The following IQCH variants were observed in gnomAD, a reference collection of about 807,000 sequenced individuals.
IQCH encodes IQ motif containing H.
IQCH carries 98 observed loss-of-function variants against 117.0 expected under a neutral mutation model. The observed-to-expected ratio is 0.84, with a 90% CI of 0.71 to 0.99. The LOEUF (loss-of-function observed/expected upper bound fraction) is 0.99. Ranked by LOEUF, IQCH falls within the 50% of genes least tolerant of loss-of-function variation. The probability of loss-of-function intolerance (pLI) is 0.00; values close to 1 mark genes in which losing one functional copy is unlikely to be tolerated. For missense variants in IQCH, 1,102 were observed against 1,243.8 expected (o/e 0.89, Z 1.72); for synonymous variants, 412 against 448.2 (o/e 0.92, Z 1.02).
intron 6 of IQCH, among the ~76,000 whole-genome samples, chr15:67,348,355 TCACACACACA>T (rs56134528): frequency 1.4e-5 from 2 of 147,682 alleles, no homozygotes; most frequent in East Asian, 2.0e-4. Flanking sequence ...TCGCAAGCCA[TCACACACACA>T]CACACACACA....
intron 3 of IQCH, among the ~76,000 whole-genome samples, chr15:67,270,201 A>G (rs1311546705): frequency 6.6e-6 from 1 of 152,068 alleles, no homozygotes; most frequent in Admixed American, 6.6e-5. Flanking sequence ...TCCAATTTGG[A>G]TGCCTTTATT....
chr15:67,333,538 T>C (rs765079984), intron 4 of IQCH, among the ~76,000 whole-genome samples: 2 of 152,224 alleles, frequency 1.3e-5, no homozygotes, highest in Admixed American at 6.5e-5. Context: ...GATCACCTGA[T>C]GATATTTGGC....
At chr15:67,313,356 T>C (rs1185259223) in intron 4 of IQCH, among the ~76,000 whole-genome samples, 1 of 152,134 alleles carries the variant, frequency 6.6e-6, no homozygotes, top group Non-Finnish European at 1.5e-5. Context: ...ACAAATTCTT[T>C]ATCTACATAC....
intron 4 of IQCH, among the ~76,000 whole-genome samples, chr15:67,323,853 A>G (rs924916777): frequency 2.6e-5 from 4 of 151,562 alleles, no homozygotes; most frequent in African/African-American, 9.7e-5. Flanking sequence ...GAAGAAAAAG[A>G]TATTATCTTT....
At position 67,395,172 on chromosome 15, in the gene IQCH, G is replaced by T; in HGVS notation, c.1633-119G>T. 1 of 1,099,888 alleles carries T rather than the reference G, an allele frequency of 9.1e-7. No individual in the cohort carries two copies. The highest frequency in any genetic ancestry group is 2.3e-5 in the Admixed American group (1 of 43,992). 68.1% of individuals were successfully genotyped at this position (1,099,888 alleles called of 1,614,324 possible). ...ATCAATTTAAACTGCTAAACAACAG[G>T]ATAGGTCATAACCCAGCCTGCTATT... On this transcript the variant is annotated intron_variant, in intron 12 of 20. Coordinates refer to ENST00000335894, the MANE Select transcript of IQCH (RefSeq NM_001031715.3). The surrounding 1 kb of genome is among the most constrained non-coding windows in gnomAD (Gnocchi z 4.0).
At position 67,372,382 on chromosome 15, in the gene IQCH, T is replaced by C. The variant is rs1452719312; in HGVS notation, c.1025T>C (p.Leu342Pro). The part of the protein sequence containing the change: ...ELTNKLTRYD[L>P]LSVLEDPAHV... Reference sequence around the variant, plus strand: ...ACGAATAAACTTACCAGATATGACCTTCTCTCAGTGTTAGAGGACCCAGCT... The same window carrying C: ...ACGAATAAACTTACCAGATATGACCCTCTCTCAGTGTTAGAGGACCCAGCT... Residue 342 changes from leucine (L) to proline (P), a missense_variant, in exon 9 of 21, where the codon CTT (leucine) becomes CCT (proline). Physicochemically the swap from Leu to Pro is moderately conservative, Grantham distance 98. Around this residue, in one of 2 missense-constraint regions of IQCH, gnomAD observed 452 missense variants for 449.6 expected, o/e 1.01. Transcript: ENST00000335894. 1.2e-6 allele frequency: 2 copies of C among 1,614,146 alleles called. No homozygotes were observed. Among genetic ancestry groups the C allele is most frequent in the Non-Finnish European group, 1.7e-6 (2 of 1,180,016 alleles).
In IQCH at chr15:67,365,597, G is replaced by A. The variant is rs1206539706; in HGVS notation, c.753+5712G>A. ...GATATTTAATATAATATCAAAGAGT[G>A]AGATAAGTGCTATGAAGAAAAATAA... On this transcript the variant is annotated intron_variant, in intron 8 of 20. Coordinates refer to ENST00000335894, the MANE Select transcript of IQCH (RefSeq NM_001031715.3). This position sits in a 1 kb window ranked among gnomAD's most constrained non-coding sequence, Gnocchi z 4.4. Among the ~76,000 whole-genome samples, 1 of 152,154 alleles carries A rather than the reference G, an allele frequency of 6.6e-6. No individual in the cohort carries two copies. The highest frequency in any genetic ancestry group is 1.5e-5 in the Non-Finnish European group (1 of 68,026).
At chr15:67,498,306 C>T (rs1190220950) in intron 20 of IQCH, among the ~76,000 whole-genome samples, 1 of 152,056 alleles carries the variant, frequency 6.6e-6, no homozygotes, top group Non-Finnish European at 1.5e-5. Context: ...CTCTGCCTCA[C>T]ATCATATATA....
Position 67,411,117 on chromosome 15 carries a change from T to A in IQCH, c.2098-5814T>A, listed in dbSNP as rs553445023. The stretch of plus-strand genomic sequence containing the variant: ...TAAAGCCTAAAAAGTGACTAAAATG[T>A]ATCCTGTGCACACGGAGGCAGCCCT... On this transcript the variant is annotated intron_variant, in intron 14 of 20. Transcript: ENST00000335894. The surrounding 1 kb of genome is among the most constrained non-coding windows in gnomAD (Gnocchi z 4.4). Among the ~76,000 whole-genome samples the A allele has an allele frequency of 6.6e-6, 1 of 152,266 alleles. No homozygotes were observed. The highest frequency in any genetic ancestry group is 2.4e-5 in the African/African-American group (1 of 41,566).
chr15:67,498,061 A>G (rs2083872306), intron 20 of IQCH, among the ~76,000 whole-genome samples: 1 of 152,186 alleles, frequency 6.6e-6, no homozygotes, highest in Non-Finnish European at 1.5e-5. Context: ...AATAATCTCA[A>G]AAAGAACGAA....
chr15:67,353,369 T>A (rs1455973135), intron 6 of IQCH, among the ~76,000 whole-genome samples: 46 of 151,358 alleles, frequency 3.0e-4, no homozygotes, highest in Non-Finnish European at 2.9e-5. Flanking sequence ...TTTATTTTTT[T>A]TTTTTTTTGA....
intron 4 of IQCH, among the ~76,000 whole-genome samples, chr15:67,330,363 A>C (rs911041201): frequency 6.6e-6 from 1 of 152,254 alleles, no homozygotes; most frequent in African/African-American, 2.4e-5. Context: ...TGAGACTCAG[A>C]GAAGTTAAAT....
At chr15:67,292,377 G>A (rs1237759894) in intron 4 of IQCH, among the ~76,000 whole-genome samples, 1 of 151,978 alleles carries the variant, frequency 6.6e-6, no homozygotes, top group Admixed American at 6.6e-5. Context: ...TCAGCCTCCC[G>A]AGTAGCTGAG....
chr15:67,331,280 C>T (rs1968654317), intron 4 of IQCH, among the ~76,000 whole-genome samples: 1 of 152,024 alleles, frequency 6.6e-6, no homozygotes, highest in African/African-American at 2.4e-5. Flanking sequence ...GGAATTTTCT[C>T]ACAATTACTT....
chr15:67,399,936 G>A (rs529756557), intron 13 of IQCH, among the ~76,000 whole-genome samples, 178 bp from the exon 14 acceptor site: 6 of 152,232 alleles, frequency 3.9e-5, no homozygotes, highest in Admixed American at 2.0e-4. Flanking sequence ...TGGTTTCTTC[G>A]CATCATATTT....
intron 3 of IQCH, among the ~76,000 whole-genome samples, chr15:67,273,277 C>G (rs1965980817): frequency 6.6e-6 from 1 of 151,738 alleles, no homozygotes; most frequent in African/African-American, 2.4e-5. Context: ...CACCATGTTG[C>G]CAGGCTGGTC....
rs1259381560 is a variant in IQCH, at chr15:67,407,147, T to G, written c.2097+6842T>G. On this transcript the variant is annotated intron_variant, in intron 14 of 20. Coordinates refer to ENST00000335894, the MANE Select transcript of IQCH (RefSeq NM_001031715.3). The surrounding 1 kb of genome is among the most constrained non-coding windows in gnomAD (Gnocchi z 5.3). Reference sequence around the variant, plus strand: ...CCCAGCCTATGCTTTACCCAGACAGTGCCTTGGAAAGAATAAGTCTTCATA... The same window carrying G: ...CCCAGCCTATGCTTTACCCAGACAGGGCCTTGGAAAGAATAAGTCTTCATA... 1 of 152,224 alleles carries G rather than the reference T, an allele frequency of 6.6e-6. No individual in the cohort carries two copies. The highest frequency in any genetic ancestry group is 1.5e-5 in the Non-Finnish European group (1 of 68,040). The allele number at this position is 152,224 out of a possible 1,614,324, so 9.4% of individuals were successfully genotyped here.
rs2083981790 is a variant in IQCH at position 67,501,667 on chromosome 15, C to T, written c.*921C>T. ...AAACCATTATTGTTTTAAAGAATGA[C>T]CTTTATGTCTATAAAAATATTTTAG... On this transcript the variant is annotated 3_prime_UTR_variant, in exon 21 of 21. Coordinates refer to ENST00000335894, the MANE Select transcript of IQCH (RefSeq NM_001031715.3). This position sits in a 1 kb window ranked among gnomAD's most constrained non-coding sequence, Gnocchi z 5.2. 1 of 152,022 alleles carries T rather than the reference C, an allele frequency of 6.6e-6. No homozygotes were observed. Among genetic ancestry groups the T allele is most frequent in the Non-Finnish European group, 1.5e-5 (1 of 68,008 alleles). The allele number at this position is 152,022 out of a possible 1,614,324, so 9.4% of individuals were successfully genotyped here.
In IQCH at chr15:67,466,380, G is replaced by C. The variant is rs1190261900; in HGVS notation, c.2676+1083G>C. 6.6e-6 allele frequency: 1 copy of C among 152,194 alleles called. No individual in the cohort carries two copies. Among genetic ancestry groups the C allele is most frequent in the Non-Finnish European group, 1.5e-5 (1 of 68,040 alleles). The allele number at this position is 152,194 out of a possible 1,614,324, so 9.4% of individuals were successfully genotyped here. ...GTTTCTTTGGCCTTTCCTTACAACA[G>C]TGGGCTTCATACTTTTTTGCAAATG... On this transcript the variant is annotated intron_variant, in intron 17 of 20. Coordinates refer to ENST00000335894, the MANE Select transcript of IQCH (RefSeq NM_001031715.3). This position sits in a 1 kb window ranked among gnomAD's most constrained non-coding sequence, Gnocchi z 4.4.
Sources: gnomAD v4.1 joint callset for allele counts (sites outside exome capture counted in the v4.1 genomes callset) on GRCh38, gnomAD v4.1.1 for gene constraint, gnomAD v4.1.1 regional missense constraint, Gnocchi (gnomAD v3.1) non-coding constraint, MANE v1.5 for transcripts, NCBI Gene and HGNC (gene_info 2026-07-23, HGNC 2026-07-21) for gene names.